Variants in SIDT1 observed in about 807,000 individuals in gnomAD.
SIDT1 encodes SID1 transmembrane family member 1, also known as SID1 transmembrane family, member 1.
In SIDT1, 101 loss-of-function variants were observed where a neutral mutation model predicts 107.5. That is an observed-to-expected ratio of 0.94 (90% confidence interval 0.80 to 1.11). The LOEUF is 1.11. SIDT1 is among the 50% of genes least tolerant of loss of function. SIDT1 has a pLI of 0.00. For synonymous variants in SIDT1, 395 were observed against 398.2 expected (o/e 0.99, Z 0.10); for missense variants, 1,076 against 1,058.2 (o/e 1.02, Z -0.23).
At chr3:113,562,479 A>G (rs1000320082) in intron 1 of SIDT1, among the ~76,000 whole-genome samples, 2 of 152,236 alleles carry the variant, frequency 1.3e-5, no homozygotes, top group Non-Finnish European at 2.9e-5. Context: ...ATGTCCATCA[A>G]CTGAAGAATG....
chr3:113,617,582 T>C (rs1238038805), intron 20 of SIDT1, among the ~76,000 whole-genome samples: 3 of 152,164 alleles, frequency 2.0e-5, no homozygotes, highest in Non-Finnish European at 4.4e-5. Context: ...GCAGGAGCTA[T>C]AAGCACTAAA....
At chr3:113,550,851 T>C (rs1333660945) in intron 1 of SIDT1, among the ~76,000 whole-genome samples, 3 of 152,152 alleles carry the variant, frequency 2.0e-5, no homozygotes, top group Non-Finnish European at 2.9e-5. Context: ...TCACCCAGAT[T>C]ATTTTATCAC....
intron 2 of SIDT1, among the ~76,000 whole-genome samples, chr3:113,567,327 A>T (rs1042754522): frequency 2.6e-5 from 4 of 152,232 alleles, no homozygotes; most frequent in African/African-American, 9.6e-5. Flanking sequence ...AGCACAGAAC[A>T]GTCCTCACAT....
intron 1 of SIDT1, among the ~76,000 whole-genome samples, chr3:113,538,980 A>G (rs986399134): frequency 6.6e-6 from 1 of 152,150 alleles, no homozygotes; most frequent in African/African-American, 2.4e-5. Flanking sequence ...ATTCATTAGG[A>G]GCAGCAAGAT....
Position 113,628,051 on chromosome 3 carries a change from G to A in SIDT1, c.*343G>A, listed in dbSNP as rs145359674. On this transcript the variant is annotated 3_prime_UTR_variant, in exon 25 of 25. Transcript: ENST00000264852. ...CCCTCACGGAGACTTGCCAGCAATGGCAGAATGCTGCTGCACACTTCCCTC... is the reference window on the plus strand; with the variant it reads ...CCCTCACGGAGACTTGCCAGCAATGACAGAATGCTGCTGCACACTTCCCTC... 7 of 283,356 alleles carry A rather than the reference G, an allele frequency of 2.5e-5. No homozygotes were observed. Among genetic ancestry groups the A allele is most frequent in the Non-Finnish European group, 4.1e-5 (6 of 147,888 alleles). 17.6% of individuals were successfully genotyped at this position (283,356 alleles called of 1,614,324 possible).
chr3:113,593,179 T>G (rs1944299272), intron 10 of SIDT1, 131 bp downstream of exon 10: 2 of 811,750 alleles, frequency 2.5e-6, no homozygotes, highest in Middle Eastern at 2.3e-4. Context: ...CGCAGAGTAG[T>G]CTAGCCTGCA....
chr3:113,607,023 TC>T lies in SIDT1; in HGVS notation c.1405-17del, dbSNP rs1945383678. 4.5e-6 allele frequency: 7 copies of T among 1,560,196 alleles called. No individual in the cohort carries two copies. Among genetic ancestry groups the T allele is most frequent in the Non-Finnish European group, 6.2e-6 (7 of 1,130,972 alleles). ...CGGAGGAAAACCACATTTCCTCTTC[TC>T]ACTCTTGATTTTACAGGTGGTAAAT... On this transcript the variant is annotated splice_polypyrimidine_tract_variant and intron_variant, in intron 14 of 24. Transcript: ENST00000264852.
At chr3:113,552,646 C>A (rs1446152426) in intron 1 of SIDT1, among the ~76,000 whole-genome samples, 1 of 152,154 alleles carries the variant, frequency 6.6e-6, no homozygotes, top group Non-Finnish European at 1.5e-5. Context: ...TTCCCCCACA[C>A]CACTGCCTCC....
intron 9 of SIDT1, among the ~76,000 whole-genome samples, chr3:113,591,350 T>C (rs1944135543): frequency 6.6e-6 from 1 of 152,150 alleles, no homozygotes; most frequent in Non-Finnish European, 1.5e-5. Context: ...CTAATATACA[T>C]GACAATAGTT....
In SIDT1 at chr3:113,557,334, C is replaced by T. The variant is rs1033223976; in HGVS notation, c.223-9086C>T. On this transcript the variant is annotated intron_variant, in intron 1 of 24. Transcript: ENST00000264852. ...AATATTATGGGTTGATTTGTTTTCCCAAAAATATATGTTGAGGTCCTAACC... is the reference window on the plus strand; with the variant it reads ...AATATTATGGGTTGATTTGTTTTCCTAAAAATATATGTTGAGGTCCTAACC... Among the ~76,000 whole-genome samples the T allele has an allele frequency of 5.3e-4, 80 of 152,076 alleles. 1 individual carries two copies. Among genetic ancestry groups the T allele is most frequent in the Non-Finnish European group, 1.8e-4 (12 of 68,022 alleles).
intron 17 of SIDT1, among the ~76,000 whole-genome samples, chr3:113,610,101 G>T (rs546423731): frequency 6.6e-6 from 1 of 152,010 alleles, no homozygotes; most frequent in Non-Finnish European, 1.5e-5. Context: ...CATTTTTAAG[G>T]GTTGTCATAT....
intron 10 of SIDT1, among the ~76,000 whole-genome samples, chr3:113,597,713 G>C (rs1429830973): frequency 6.6e-6 from 1 of 152,116 alleles, no homozygotes; most frequent in African/African-American, 2.4e-5. Flanking sequence ...AGCATATCCT[G>C]TTCTATGTCA....
At chr3:113,579,943 A>C (rs1943201046) in intron 4 of SIDT1, among the ~76,000 whole-genome samples, 1 of 152,238 alleles carries the variant, frequency 6.6e-6, no homozygotes, top group Non-Finnish European at 1.5e-5. Context: ...AACCTCTTTC[A>C]ATTAAAAATG....
intron 17 of SIDT1, among the ~76,000 whole-genome samples, chr3:113,610,041 A>T (rs1414732851): frequency 6.6e-6 from 1 of 152,174 alleles, no homozygotes; most frequent in Non-Finnish European, 1.5e-5. Flanking sequence ...TTCATTCAAG[A>T]ATATGTTTTC....
chr3:113,628,775 G>A lies in SIDT1; in HGVS notation c.*1067G>A, dbSNP rs1026935465. ...GTCATCTGTCACTTTATGTAGATCA[G>A]GGTTCTAGACTTCTTCCCTGAGGTT... is the stretch of plus-strand genomic sequence containing the variant. On this transcript the variant is annotated 3_prime_UTR_variant, in exon 25 of 25. Transcript: ENST00000264852. 1 of 152,226 alleles carries A rather than the reference G, an allele frequency of 6.6e-6. No homozygotes were observed. The highest frequency in any genetic ancestry group is 2.4e-5 in the African/African-American group (1 of 41,430). 9.4% of individuals were successfully genotyped at this position (152,226 alleles called of 1,614,324 possible).
At chr3:113,625,078 A>C (rs1371719930) in intron 23 of SIDT1, among the ~76,000 whole-genome samples, 1 of 148,262 alleles carries the variant, frequency 6.7e-6, no homozygotes, top group Non-Finnish European at 1.5e-5. Flanking sequence ...TCTTTTGGAT[A>C]TATATCAAGT....
In SIDT1 at chr3:113,575,726, A is replaced by G. The variant is rs528901994; in HGVS notation, c.516-1196A>G. 6.6e-5 allele frequency among the ~76,000 whole-genome samples: 10 copies of G among 152,338 alleles called. No homozygotes were observed. In the South Asian group the frequency reaches 2.1e-3, roughly 32 times the overall value. ...ACTTCTAAATAACACCTCTATAATT[A>G]TACACCTCTTGCTTAAATGTCTTGA... is the stretch of plus-strand genomic sequence containing the variant. On this transcript the variant is annotated intron_variant, in intron 3 of 24. Transcript: ENST00000264852.
chr3:113,619,912 C>T (rs183149516), intron 21 of SIDT1, 186 bp downstream of exon 21: 30 of 575,552 alleles, frequency 5.2e-5, no homozygotes, highest in Non-Finnish European at 8.5e-5. Context: ...TCTCTTAAAA[C>T]ACTGATGCAT....
chr3:113,612,572 C>A (rs1945832909), intron 19 of SIDT1, among the ~76,000 whole-genome samples: 1 of 152,180 alleles, frequency 6.6e-6, no homozygotes, highest in Non-Finnish European at 1.5e-5. Context: ...TCAAAGGGAG[C>A]ATTTCTCTAA....
Sources: gnomAD v4.1 joint callset for allele counts (sites outside exome capture counted in the v4.1 genomes callset) on GRCh38, gnomAD v4.1.1 for gene constraint, MANE v1.5 for transcripts, NCBI Gene and HGNC (gene_info 2026-07-23, HGNC 2026-07-21) for gene names.